FOXN2: variants seen among roughly 807,000 people sequenced by gnomAD.
FOXN2 encodes forkhead box N2.
A neutral mutation model predicts 41.2 loss-of-function variants in FOXN2; 19 were observed. The ratio of observed to expected loss-of-function variants is 0.46; its 90% confidence interval spans 0.32 to 0.68. The LOEUF is 0.68. Among genes scored for constraint, FOXN2 ranks in the 30% least tolerant of loss-of-function variants. FOXN2 has a pLI of 0.03. For missense variants in FOXN2, 587 were observed against 509.4 expected (o/e 1.15, Z -1.47); for synonymous variants, 195 against 176.8 (o/e 1.10, Z -0.82).
Position 48,346,264 on chromosome 2 carries a change from G to A in FOXN2, c.50G>A (p.Gly17Glu). 6.2e-7 allele frequency: 1 copy of A among 1,614,028 alleles called. No individual in the cohort carries two copies. The highest frequency in any genetic ancestry group is 8.5e-7 in the Non-Finnish European group (1 of 1,179,954). Reference sequence around the variant, plus strand: ...CCAGATAAGAGAGCTGAAACCCCAGGAGCTGAAAAGATTGCAGGATTAAGC... The same window carrying A: ...CCAGATAAGAGAGCTGAAACCCCAGAAGCTGAAAAGATTGCAGGATTAAGC... Reference protein sequence around the residue: ...MTPDKRAETPGAEKIAGLSQI... With the variant: ...MTPDKRAETPEAEKIAGLSQI... Residue 17 changes from glycine (G) to glutamate (E), a missense_variant, in exon 3 of 7, where the codon GGA becomes GAA. Transcript: ENST00000340553.
chr2:48,325,668 G>C (rs1382734516), intron 1 of FOXN2, among the ~76,000 whole-genome samples: 1 of 152,112 alleles, frequency 6.6e-6, no homozygotes, highest in Non-Finnish European at 1.5e-5. Flanking sequence ...TATTTGAGCA[G>C]TAAACAAAAC....
In FOXN2 at chr2:48,375,288, T is replaced by A. The variant is rs762558339; in HGVS notation, c.1141T>A (p.Ser381Thr). The change falls in exon 7 of 7, where the codon TCA becomes ACA. Residue 381 changes from serine (S) to threonine (T), a missense_variant. Ser to Thr is a moderately conservative substitution (Grantham distance 58). Coordinates refer to ENST00000340553, the MANE Select transcript of FOXN2 (RefSeq NM_002158.4). ...TGCAAAAATCTCTGAAAAAGGGCAG[T>A]CAGGCAAAAAGATGCGAAAACAGAC... ...PCAKISEKGQ[S>T]GKKMRKQTCQ... The A allele has an allele frequency of 2.5e-6, 4 of 1,613,922 alleles. No individual in the cohort carries two copies. The South Asian group carries it at 4.4e-5, about 18-fold the overall frequency.
At position 48,336,418 on chromosome 2, in the gene FOXN2, A is replaced by T. The variant is rs200243645; in HGVS notation, c.-15+7716A>T. Reference sequence around the variant, plus strand: ...GCAAGCCTCAGTTTCCAAAAAAAAAAATATATATATATGTATATGTGTGTG... The same window carrying T: ...GCAAGCCTCAGTTTCCAAAAAAAAATATATATATATATGTATATGTGTGTG... On this transcript the variant is annotated intron_variant, in intron 2 of 6. Coordinates refer to ENST00000340553, the MANE Select transcript of FOXN2 (RefSeq NM_002158.4). 2.8e-3 allele frequency among the ~76,000 whole-genome samples: 416 copies of T among 147,456 alleles called. 10 individuals are homozygous for T. The highest frequency in any genetic ancestry group is 0.021 in the East Asian group (107 of 5,030).
intron 2 of FOXN2, among the ~76,000 whole-genome samples, chr2:48,335,563 T>C (rs971694588): frequency 6.6e-6 from 1 of 152,234 alleles, no homozygotes; most frequent in Non-Finnish European, 1.5e-5. Context: ...CAAAAACATG[T>C]TCATACAAAT....
chr2:48,316,062 A>C (rs1558604907), intron 1 of FOXN2, among the ~76,000 whole-genome samples: 1 of 151,908 alleles, frequency 6.6e-6, no homozygotes, highest in East Asian at 1.9e-4. Context: ...CGCTAGCGGC[A>C]CTAGGGGCTG....
In FOXN2 at chr2:48,346,528, A is replaced by G; in HGVS notation, c.314A>G (p.Glu105Gly). 1 of 1,613,328 alleles carries G rather than the reference A, an allele frequency of 6.2e-7. No homozygotes were observed. The highest frequency in any genetic ancestry group is 8.5e-7 in the Non-Finnish European group (1 of 1,179,762). The change falls in exon 3 of 7, where the codon GAA becomes GGA. Residue 105 changes from glutamate (E) to glycine (G), a missense_variant. Glu to Gly is a moderately conservative substitution (Grantham distance 98). Transcript: ENST00000340553. ...SFGPACYQNP[E>G]KKSATSKPPY... ...GGACCAGCTTGCTACCAGAACCCAG[A>G]AAAAAAATCAGCGACTTCAAAGCCC...
rs530369075 is a variant in FOXN2 at position 48,359,203 on chromosome 2, A to G, written c.638+56A>G. 6 of 1,231,692 alleles carry G rather than the reference A, an allele frequency of 4.9e-6. No homozygotes were observed. The Admixed American group carries it at 5.3e-5, about 11-fold the overall frequency. The allele number at this position is 1,231,692 out of a possible 1,614,324, so 76.3% of individuals were successfully genotyped here. A position where few individuals can be genotyped will look rare whatever the true frequency, so the allele number is the denominator to read the frequency against. ...GATTTATAGGATTTCACTGTGTGAGATGGAGAAACTTAAAGGTCCAGGGTA... is the reference window on the plus strand; with the variant it reads ...GATTTATAGGATTTCACTGTGTGAGGTGGAGAAACTTAAAGGTCCAGGGTA... On this transcript the variant is annotated intron_variant, in intron 4 of 6. Coordinates refer to ENST00000340553, the MANE Select transcript of FOXN2 (RefSeq NM_002158.4).
intron 1 of FOXN2, among the ~76,000 whole-genome samples, chr2:48,316,955 A>G (rs1372126065): frequency 6.6e-6 from 1 of 152,228 alleles, no homozygotes; most frequent in African/African-American, 2.4e-5. Flanking sequence ...AAGTTAAATA[A>G]AGATATTGAA....
In FOXN2 at chr2:48,378,678, G is replaced by GT. The variant is rs1673394148; in HGVS notation, c.*3242dup. 4 of 148,912 alleles carry GT rather than the reference G, an allele frequency of 2.7e-5. No homozygotes were observed. The South Asian group carries it at 6.3e-4, about 24-fold the overall frequency. The allele number at this position is 148,912 out of a possible 1,614,324, so 9.2% of individuals were successfully genotyped here. ...TCTGGTTTACATATATCTTACAGGT[G>GT]TTTTTTTGTATTTTTTTTTTTTTTT... On this transcript the variant is annotated 3_prime_UTR_variant, in exon 7 of 7. Transcript: ENST00000340553.
intron 1 of FOXN2, among the ~76,000 whole-genome samples, chr2:48,317,700 C>T (rs1372396234): frequency 2.1e-5 from 3 of 146,036 alleles, no homozygotes; most frequent in Non-Finnish European, 3.0e-5. Context: ...CTCCACCTCC[C>T]GGGTTCAAGT....
rs142187366 is a variant in FOXN2 at position 48,369,813 on chromosome 2, C to T, written c.704-3479C>T. On this transcript the variant is annotated intron_variant, in intron 5 of 6. Coordinates refer to ENST00000340553, the MANE Select transcript of FOXN2 (RefSeq NM_002158.4). ...GAGGATCACTTGAGCTCAGGCAACA[C>T]GGTAAAACCATATCTCTACAAAAAA... 2.8e-3 allele frequency among the ~76,000 whole-genome samples: 423 copies of T among 151,904 alleles called. 1 individual carries two copies. The highest frequency in any genetic ancestry group is 4.4e-3 in the Non-Finnish European group (300 of 67,944).
chr2:48,314,882 CGGGCGCGG>C (rs1668783918), intron 1 of FOXN2, 68 bp downstream of exon 1: 1 of 151,894 alleles, frequency 6.6e-6, no homozygotes, highest in African/African-American at 2.4e-5. Flanking sequence ...GCGCAGCTCC[CGGGCGCGG>C]AGGCAGCGCG....
In FOXN2 at chr2:48,338,080, A is replaced by G. The variant is rs140163282; in HGVS notation, c.-14-8121A>G. Among the ~76,000 whole-genome samples, 754 of 152,356 alleles carry G rather than the reference A, an allele frequency of 4.9e-3. 7 individuals carry two copies. The highest frequency in any genetic ancestry group is 0.017 in the African/African-American group (702 of 41,584). ...GTACTGGGCCATGAAACAAGTTTCA[A>G]CAAATTTCAGAGAATTGATACCCTA... On this transcript the variant is annotated intron_variant, in intron 2 of 6. Coordinates refer to ENST00000340553, the MANE Select transcript of FOXN2 (RefSeq NM_002158.4).
chr2:48,322,588 A>G (rs893015495), intron 1 of FOXN2, among the ~76,000 whole-genome samples: 7 of 151,948 alleles, frequency 4.6e-5, no homozygotes, highest in Admixed American at 2.6e-4. Flanking sequence ...CTGTTTCTCT[A>G]AGATTTTATC....
chr2:48,314,204 C>A (rs773840705), upstream of FOXN2, among the ~76,000 whole-genome samples: 1 of 152,256 alleles, frequency 6.6e-6, no homozygotes, highest in African/African-American at 2.4e-5. Context: ...TCTCCTCAGC[C>A]CGGGCACAGG....
Position 48,373,371 on chromosome 2 carries a change from A to C in FOXN2, c.772+11A>C, listed in dbSNP as rs750507718. 1 of 1,538,496 alleles carries C rather than the reference A, an allele frequency of 6.5e-7. No individual in the cohort carries two copies. The highest frequency in any genetic ancestry group is 8.8e-7 in the Non-Finnish European group (1 of 1,133,892). On this transcript the variant is annotated intron_variant, in intron 6 of 6. Transcript: ENST00000340553. ...AAGGAATTTTAGAATGTAAGTAATCATGCCTTTTTTAAAAAAAAATTTTAG... is the reference window on the plus strand; with the variant it reads ...AAGGAATTTTAGAATGTAAGTAATCCTGCCTTTTTTAAAAAAAAATTTTAG...
At chr2:48,314,464 T>C (rs1417986769), upstream of FOXN2, among the ~76,000 whole-genome samples, 2 of 152,204 alleles carry the variant, frequency 1.3e-5, no homozygotes, top group Non-Finnish European at 1.5e-5. Context: ...CCAGCCGCCG[T>C]GCCAGGCAGC....
At chr2:48,339,075 T>C (rs1173848316) in intron 2 of FOXN2, among the ~76,000 whole-genome samples, 3 of 152,206 alleles carry the variant, frequency 2.0e-5, no homozygotes, top group Admixed American at 6.5e-5. Context: ...TGTATAGATA[T>C]ATATTCATAG....
At chr2:48,368,253 A>AAT (rs35845829) in intron 5 of FOXN2, among the ~76,000 whole-genome samples, 25,149 of 152,232 alleles carry the variant, frequency 0.17, 2,325 homozygotes, top group Non-Finnish European at 0.21. Flanking sequence ...TAATACAGCT[A>AAT]ATAGTGTTAT....
Sources: allele counts gnomAD v4.1 joint callset (sites outside exome capture counted in the v4.1 genomes callset), GRCh38; gene constraint gnomAD v4.1.1; transcripts MANE v1.5; gene names NCBI Gene and HGNC (gene_info 2026-07-23, HGNC 2026-07-21).